Variants in SCAPER observed in about 807,000 individuals in gnomAD.
SCAPER encodes the protein S-phase cyclin A associated protein in the ER, also known as S phase cyclin A-associated protein in the endoplasmic reticulum.
Under a neutral mutation model 182.2 loss-of-function variants are expected in SCAPER, and 98 were observed. The observed-to-expected ratio is 0.54, with a 90% confidence interval of 0.46 to 0.64. The LOEUF is 0.64. Ranked by LOEUF, SCAPER falls within the 30% of genes least tolerant of loss-of-function variation. The pLI is 0.00. For missense variants in SCAPER, 1,432 were observed against 1,690.0 expected (o/e 0.85, Z 2.68); for synonymous variants, 605 against 564.6 (o/e 1.07, Z -1.01).
chr15:76,780,265 T>C (rs2064029872), intron 8 of SCAPER, among the ~76,000 whole-genome samples: 3 of 152,218 alleles, frequency 2.0e-5, no homozygotes, highest in African/African-American at 7.2e-5. Context: ...CCATGGAGCC[T>C]CACTCACTGC....
At chr15:76,691,726 T>C (rs1263145344) in intron 20 of SCAPER, among the ~76,000 whole-genome samples, 3 of 152,128 alleles carry the variant, frequency 2.0e-5, no homozygotes, top group African/African-American at 4.8e-5. Context: ...ACCCAAATGA[T>C]GGGTACAAAG....
intron 17 of SCAPER, among the ~76,000 whole-genome samples, chr15:76,727,524 A>G (rs562906225): frequency 6.6e-6 from 1 of 152,246 alleles, no homozygotes; most frequent in East Asian, 1.9e-4. Flanking sequence ...TGCTAGAATA[A>G]TTGGGTATCC....
At chr15:76,616,683 T>C (rs1027613291) in intron 22 of SCAPER, among the ~76,000 whole-genome samples, 4 of 152,172 alleles carry the variant, frequency 2.6e-5, no homozygotes, top group Non-Finnish European at 5.9e-5. Flanking sequence ...GCCATCTATG[T>C]CTCCTAAATA....
At chr15:76,701,314 T>A (rs990591166) in intron 20 of SCAPER, among the ~76,000 whole-genome samples, 2 of 152,176 alleles carry the variant, frequency 1.3e-5, no homozygotes, top group African/African-American at 2.4e-5. Context: ...AAAATATTCA[T>A]ATACATATTT....
At chr15:76,633,131 T>C (rs2053276299) in intron 21 of SCAPER, among the ~76,000 whole-genome samples, 1 of 152,130 alleles carries the variant, frequency 6.6e-6, no homozygotes, top group Non-Finnish European at 1.5e-5. Context: ...TTGATGTTGT[T>C]GTTGCTCTTG....
intron 21 of SCAPER, among the ~76,000 whole-genome samples, chr15:76,652,518 TACACACACAC>T (rs71143350): frequency 1.9e-3 from 167 of 88,916 alleles, no homozygotes; most frequent in African/African-American, 2.9e-3. Flanking sequence ...TTTACATACA[TACACACACAC>T]ACACACACAC....
At chr15:76,738,455 G>A (rs746088365) in intron 15 of SCAPER, among the ~76,000 whole-genome samples, 6 of 151,352 alleles carry the variant, frequency 4.0e-5, no homozygotes, top group Non-Finnish European at 5.9e-5. Flanking sequence ...GAGGCCACTC[G>A]TGAACCCGGG....
In SCAPER at chr15:76,439,455, A is replaced by G. The variant is rs148751423; in HGVS notation, c.3079-5145T>C. ...TATACTGCACTGCTGTCTTATGTCT[A>G]GTTAGGTATCACTGTTACTTGCCAG... On this transcript the variant is annotated intron_variant, in intron 25 of 31. Transcript: ENST00000563290. Among the ~76,000 whole-genome samples the G allele has an allele frequency of 4.9e-4, 75 of 152,368 alleles. No individual in the cohort carries two copies. In the East Asian group the frequency reaches 0.013, roughly 27 times the overall value.
chr15:76,348,469 C>A lies in SCAPER; in HGVS notation c.*164G>T. ...TTGCAAAATTAGCAAGTAGAACATT[C>A]AAGTATCTACAGTCATTATAAATAG... On this transcript the variant is annotated 3_prime_UTR_variant, in exon 32 of 32. Coordinates refer to ENST00000563290, the MANE Select transcript of SCAPER (RefSeq NM_020843.4). 2.2e-6 allele frequency: 1 copy of A among 447,246 alleles called. No individual in the cohort carries two copies. The highest frequency in any genetic ancestry group is 4.0e-6 in the Non-Finnish European group (1 of 248,712). The allele number at this position is 447,246 out of a possible 1,614,324, so 27.7% of individuals were successfully genotyped here. A position where few individuals can be genotyped will look rare whatever the true frequency, so the allele number is the denominator to read the frequency against.
intron 30 of SCAPER, among the ~76,000 whole-genome samples, chr15:76,352,477 T>C (rs1047273540): frequency 2.6e-5 from 3 of 116,076 alleles, no homozygotes; most frequent in East Asian, 2.6e-4. Flanking sequence ...CATAATGTAT[T>C]TGTATTTTCT....
chr15:76,489,524 CA>C (rs1193556466), intron 24 of SCAPER, among the ~76,000 whole-genome samples: 1 of 151,694 alleles, frequency 6.6e-6, no homozygotes, highest in Non-Finnish European at 1.5e-5. Flanking sequence ...GGAATTGTGC[CA>C]CATGTAGCTG....
At chr15:76,526,052 A>G (rs1395636754) in intron 23 of SCAPER, among the ~76,000 whole-genome samples, 3 of 152,176 alleles carry the variant, frequency 2.0e-5, no homozygotes, top group Non-Finnish European at 2.9e-5. Flanking sequence ...GTAGTTGAAC[A>G]TTGTCAATAA....
At chr15:76,902,903 A>C (rs915487771) in intron 1 of SCAPER, among the ~76,000 whole-genome samples, 8 of 151,172 alleles carry the variant, frequency 5.3e-5, no homozygotes, top group Non-Finnish European at 1.2e-4. Context: ...CTAAAAATAC[A>C]AAAAAAAATT....
intron 29 of SCAPER, among the ~76,000 whole-genome samples, chr15:76,367,411 G>A (rs946438856): frequency 6.6e-6 from 1 of 152,186 alleles, no homozygotes; most frequent in Non-Finnish European, 1.5e-5. Context: ...TGAAGACCAA[G>A]GCAAGTCCAG....
intron 31 of SCAPER, chr15:76,350,058 G>A (rs2040431853): frequency 6.6e-6 from 1 of 152,110 alleles, no homozygotes; most frequent in Admixed American, 6.5e-5. Flanking sequence ...AAATTGTTTT[G>A]TAAGAACAGT....
At chr15:76,867,552 A>C (rs1034703744) in intron 2 of SCAPER, among the ~76,000 whole-genome samples, 1 of 152,200 alleles carries the variant, frequency 6.6e-6, no homozygotes, top group African/African-American at 2.4e-5. Context: ...AGGATGGCTA[A>C]ACTATTATAA....
At chr15:76,631,973 T>C (rs1433403374) in intron 21 of SCAPER, among the ~76,000 whole-genome samples, 1 of 152,184 alleles carries the variant, frequency 6.6e-6, no homozygotes, top group African/African-American at 2.4e-5. Context: ...TCAGAGGTTT[T>C]GTTTGTTCCT....
chr15:76,698,417 G>T (rs2058762809), intron 20 of SCAPER, among the ~76,000 whole-genome samples: 1 of 152,142 alleles, frequency 6.6e-6, no homozygotes, highest in South Asian at 2.1e-4. Context: ...CCGTGAACTG[G>T]CTTGTACTGG....
Position 76,459,525 on chromosome 15 carries a change from T to G in SCAPER, c.3078+11687A>C, listed in dbSNP as rs372843323. Reference sequence around the variant, plus strand: ...ATCTATTCATGTCTTTTGCTCACTTTTTAATGGAATTATTAGGGTTTTTTT... The same window carrying G: ...ATCTATTCATGTCTTTTGCTCACTTGTTAATGGAATTATTAGGGTTTTTTT... On this transcript the variant is annotated intron_variant, in intron 25 of 31. Transcript: ENST00000563290. Among the ~76,000 whole-genome samples the G allele has an allele frequency of 1.2e-3, 166 of 133,182 alleles. 1 individual carries two copies. Among genetic ancestry groups the G allele is most frequent in the African/African-American group, 4.4e-3 (157 of 35,884 alleles). The allele number at this position is 133,182 out of a possible 152,430, so 87.4% of individuals were successfully genotyped here.
Sources: gnomAD v4.1 joint callset for allele counts (sites outside exome capture counted in the v4.1 genomes callset) on GRCh38, gnomAD v4.1.1 for gene constraint, MANE v1.5 for transcripts, NCBI Gene and HGNC (gene_info 2026-07-23, HGNC 2026-07-21) for gene names.